The following ASIC2 variants were observed in gnomAD, a reference collection of about 807,000 sequenced individuals.
The protein encoded by ASIC2 is acid sensing ion channel subunit 2.
In ASIC2, 25 loss-of-function variants were observed where a neutral mutation model predicts 57.3. That is an observed-to-expected ratio of 0.44 (90% CI 0.32 to 0.61). The LOEUF is 0.61. Ranked by LOEUF, ASIC2 falls within the 20% of genes least tolerant of loss-of-function variation. ASIC2 has a pLI of 0.06. For synonymous variants in ASIC2, 319 were observed against 307.5 expected (o/e 1.04, Z -0.39); for missense variants, 641 against 738.1 (o/e 0.87, Z 1.52).
chr17:33,321,225 T>C (rs1358203440), intron 1 of ASIC2, among the ~76,000 whole-genome samples: 3 of 152,224 alleles, frequency 2.0e-5, no homozygotes, highest in Non-Finnish European at 4.4e-5. Context: ...CGTGTGCCAT[T>C]ATTTCCTCGA....
At chr17:33,696,028 G>A (rs530806975) in intron 1 of ASIC2, among the ~76,000 whole-genome samples, 48 of 152,274 alleles carry the variant, frequency 3.2e-4, no homozygotes, top group African/African-American at 1.1e-3. Flanking sequence ...CATCGTATGA[G>A]TACAGCAGAA....
At chr17:34,014,084 C>A (rs1047462882) in intron 1 of ASIC2, among the ~76,000 whole-genome samples, 2 of 152,180 alleles carry the variant, frequency 1.3e-5, no homozygotes, top group African/African-American at 4.8e-5. Flanking sequence ...TGGTTCATTA[C>A]TGGACATGGT....
intron 1 of ASIC2, among the ~76,000 whole-genome samples, chr17:33,980,378 G>A (rs1447828184): frequency 1.3e-5 from 2 of 152,186 alleles, no homozygotes; most frequent in Non-Finnish European, 2.9e-5. Flanking sequence ...CCCCAGATGA[G>A]CTTAGACACT....
intron 1 of ASIC2, among the ~76,000 whole-genome samples, chr17:33,956,211 G>T (rs77043440): frequency 6.6e-6 from 1 of 152,132 alleles, no homozygotes; most frequent in Non-Finnish European, 1.5e-5. Context: ...CAATAGGAGC[G>T]GGAGCGCTGG....
At chr17:33,761,203 G>A (rs965008671) in intron 1 of ASIC2, among the ~76,000 whole-genome samples, 2 of 152,160 alleles carry the variant, frequency 1.3e-5, no homozygotes, top group East Asian at 3.8e-4. Flanking sequence ...AGACTATCCT[G>A]CAAATACACT....
chr17:33,464,850 G>GC (rs959575916), intron 1 of ASIC2, among the ~76,000 whole-genome samples: 7 of 151,596 alleles, frequency 4.6e-5, no homozygotes, highest in East Asian at 1.9e-4. Context: ...GCATCTCTAG[G>GC]CCCCCCTGAG....
chr17:33,062,852 T>C (rs983776275), intron 3 of ASIC2, among the ~76,000 whole-genome samples: 83 of 146,588 alleles, frequency 5.7e-4, no homozygotes, highest in African/African-American at 1.8e-3. Flanking sequence ...GCTCCTGTAT[T>C]GGGTGCATAT....
chr17:33,477,030 T>C (rs1913252561), intron 1 of ASIC2, among the ~76,000 whole-genome samples: 1 of 152,212 alleles, frequency 6.6e-6, no homozygotes, highest in Non-Finnish European at 1.5e-5. Flanking sequence ...TGTGTATATA[T>C]ACTATGTATA....
At chr17:33,579,601 C>T (rs188840684) in intron 1 of ASIC2, among the ~76,000 whole-genome samples, 120 of 151,878 alleles carry the variant, frequency 7.9e-4, no homozygotes, top group African/African-American at 2.3e-3. Flanking sequence ...GATGGTGTGT[C>T]GGGAGTTTGT....
intron 1 of ASIC2, among the ~76,000 whole-genome samples, chr17:34,150,095 A>G (rs1345416277): frequency 2.6e-5 from 4 of 152,254 alleles, no homozygotes; most frequent in Non-Finnish European, 5.9e-5. Context: ...GACAACATAG[A>G]TGAACCTGGA....
At chr17:33,255,248 C>T (rs1311577456) in intron 1 of ASIC2, among the ~76,000 whole-genome samples, 2 of 151,914 alleles carry the variant, frequency 1.3e-5, no homozygotes, top group African/African-American at 4.8e-5. Flanking sequence ...CCATGTTGGC[C>T]AGGCTGGTCT....
chr17:33,592,385 C>CTCTA (rs1324348740), intron 1 of ASIC2, among the ~76,000 whole-genome samples: 1 of 152,248 alleles, frequency 6.6e-6, no homozygotes, highest in African/African-American at 2.4e-5. Context: ...TTAGGCCAGC[C>CTCTA]TCTATCTCAT....
At chr17:33,662,567 G>A (rs1020568409) in intron 1 of ASIC2, among the ~76,000 whole-genome samples, 1 of 151,432 alleles carries the variant, frequency 6.6e-6, no homozygotes, top group East Asian at 1.9e-4. Flanking sequence ...AGGTTGCAGT[G>A]AGCCGAGATC....
chr17:33,400,743 T>C (rs1482014521), intron 1 of ASIC2, among the ~76,000 whole-genome samples: 1 of 152,172 alleles, frequency 6.6e-6, no homozygotes, highest in Non-Finnish European at 1.5e-5. Context: ...AGAATTCAAG[T>C]TGTTCATATC....
intron 1 of ASIC2, among the ~76,000 whole-genome samples, chr17:33,951,482 T>C (rs1904561940): frequency 6.6e-6 from 1 of 152,350 alleles, no homozygotes; most frequent in Non-Finnish European, 1.5e-5. Context: ...ATTTTCAGCT[T>C]AAGAAAGAAA....
At chr17:33,269,687 C>CTTCT (rs1904392629) in intron 1 of ASIC2, among the ~76,000 whole-genome samples, 1 of 63,806 alleles carries the variant, frequency 1.6e-5, no homozygotes, top group Admixed American at 1.8e-4. Flanking sequence ...TCCCTCCCTC[C>CTTCT]TGCCTGCCTG....
At chr17:33,616,988 G>T (rs1314953101) in intron 1 of ASIC2, among the ~76,000 whole-genome samples, 1 of 152,186 alleles carries the variant, frequency 6.6e-6, no homozygotes, top group East Asian at 1.9e-4. Flanking sequence ...CCTTTCAAGG[G>T]TTGTGTAAAC....
At chr17:33,371,486 C>T (rs1909057426) in intron 1 of ASIC2, among the ~76,000 whole-genome samples, 2 of 152,184 alleles carry the variant, frequency 1.3e-5, no homozygotes, top group Admixed American at 6.5e-5. Flanking sequence ...CTCTTTGAGG[C>T]CTGATGGGAA....
At chr17:33,994,106 A>G (rs1270976984) in intron 1 of ASIC2, among the ~76,000 whole-genome samples, 1 of 152,152 alleles carries the variant, frequency 6.6e-6, no homozygotes, top group Non-Finnish European at 1.5e-5. Flanking sequence ...CAAATATTTC[A>G]TCAAATGAAG....
Sources: allele counts gnomAD v4.1 joint callset (sites outside exome capture counted in the v4.1 genomes callset), GRCh38; gene constraint gnomAD v4.1.1; transcripts MANE v1.5; gene names NCBI Gene and HGNC (gene_info 2026-07-23, HGNC 2026-07-21).